Variants in PIGK observed in about 807,000 individuals in gnomAD.
The protein encoded by PIGK is GPI-anchor transamidase.
In PIGK, 42 loss-of-function variants were observed where a neutral mutation model predicts 50.6. That is an observed-to-expected ratio of 0.83 (90% CI 0.65 to 1.07). PIGK has a LOEUF of 1.07. PIGK is among the 50% of genes least tolerant of loss of function. The pLI, the probability that PIGK is intolerant of heterozygous loss-of-function variation, is 0.00. For missense variants in PIGK, 448 were observed against 488.7 expected (o/e 0.92, Z 0.78); for synonymous variants, 151 against 156.0 (o/e 0.97, Z 0.24).
intron 3 of PIGK, 23 bp from the exon 4 acceptor site, chr1:77,169,418 A>C: frequency 6.4e-7 from 1 of 1,556,218 alleles, no homozygotes; most frequent in East Asian, 2.3e-5. Context: ...AATCCAGTAA[A>C]TATATAATTT....
At chr1:77,140,586 TTAG>T (rs1160979135) in intron 9 of PIGK, among the ~76,000 whole-genome samples, 1 of 152,170 alleles carries the variant, frequency 6.6e-6, no homozygotes, top group Admixed American at 6.5e-5. Flanking sequence ...TTTTTCATAT[TTAG>T]TGTTAACTCA....
intron 9 of PIGK, among the ~76,000 whole-genome samples, chr1:77,138,112 G>C (rs1654564129): frequency 6.6e-6 from 1 of 152,144 alleles, no homozygotes; most frequent in African/African-American, 2.4e-5. Context: ...CTGTGAATAA[G>C]ATAAACTTCA....
At chr1:77,130,955 T>G (rs1654360430) in intron 9 of PIGK, among the ~76,000 whole-genome samples, 1 of 152,146 alleles carries the variant, frequency 6.6e-6, no homozygotes, top group Admixed American at 6.5e-5. Flanking sequence ...TAGTGTTGGG[T>G]ATTTATTAAA....
chr1:77,092,266 T>C lies in PIGK; in HGVS notation c.*108A>G. 1.7e-6 allele frequency: 1 copy of C among 578,110 alleles called. No homozygotes were observed. Among genetic ancestry groups the C allele is most frequent in the Non-Finnish European group, 3.0e-6 (1 of 327,896 alleles). The allele number at this position is 578,110 out of a possible 1,614,324, so 35.8% of individuals were successfully genotyped here. A position where few individuals can be genotyped will look rare whatever the true frequency, so the allele number is the denominator to read the frequency against. ...AGTTGATTCAAATTTAGTTTCCTTA[T>C]ACTTATTTCCAATTCATACAAGAGA... On this transcript the variant is annotated 3_prime_UTR_variant, in exon 11 of 11. Coordinates refer to ENST00000370812, the MANE Select transcript of PIGK (RefSeq NM_005482.3).
At position 77,161,712 on chromosome 1, in the gene PIGK, C is replaced by A; in HGVS notation, c.585-1G>T. On this transcript the variant is annotated splice_acceptor_variant, in intron 6 of 10. Coordinates refer to ENST00000370812, the MANE Select transcript of PIGK (RefSeq NM_005482.3). LOFTEE classifies it high-confidence loss of function. ...AATAATAAACAGTAGCTCATTGTAG[C>A]TGAAAGAAAAATGATAACATCTTTG... The A allele has an allele frequency of 7.9e-7, 1 of 1,258,374 alleles. No homozygotes were observed. Among genetic ancestry groups the A allele is most frequent in the South Asian group, 1.2e-5 (1 of 83,124 alleles). The allele number at this position is 1,258,374 out of a possible 1,614,324, so 78.0% of individuals were successfully genotyped here. A position where few individuals can be genotyped will look rare whatever the true frequency, so the allele number is the denominator to read the frequency against.
chr1:77,133,749 T>C (rs1285159448), intron 9 of PIGK, among the ~76,000 whole-genome samples: 3 of 152,196 alleles, frequency 2.0e-5, no homozygotes, highest in African/African-American at 7.2e-5. Flanking sequence ...CCTATTCTAA[T>C]GGTGAGGCCC....
At chr1:77,197,006 G>T (rs548837194) in intron 3 of PIGK, among the ~76,000 whole-genome samples, 83 of 152,014 alleles carry the variant, frequency 5.5e-4, no homozygotes, top group African/African-American at 1.8e-3. Context: ...GCCTTTTTAT[G>T]ATCTTTCTAA....
At chr1:77,098,451 C>T (rs558025353) in intron 10 of PIGK, among the ~76,000 whole-genome samples, 100 of 151,968 alleles carry the variant, frequency 6.6e-4, no homozygotes, top group African/African-American at 2.3e-3. Context: ...CCTGCCTCAA[C>T]ACCTCCCTCA....
At chr1:77,145,174 A>T (rs1654740465) in intron 9 of PIGK, among the ~76,000 whole-genome samples, 3 of 151,986 alleles carry the variant, frequency 2.0e-5, no homozygotes, top group Non-Finnish European at 4.4e-5. Context: ...TTACTATTGA[A>T]TATGTAAATT....
At chr1:77,209,260 A>C (rs1036643091) in intron 2 of PIGK, among the ~76,000 whole-genome samples, 1 of 152,136 alleles carries the variant, frequency 6.6e-6, no homozygotes, top group African/African-American at 2.4e-5. Context: ...CTATTATCCA[A>C]ATATTTTCCA....
intron 5 of PIGK, among the ~76,000 whole-genome samples, chr1:77,165,726 A>G (rs558038685): frequency 6.6e-6 from 1 of 152,182 alleles, no homozygotes; most frequent in African/African-American, 2.4e-5. Flanking sequence ...GAAACTAAAA[A>G]TTAACATGGG....
intron 10 of PIGK, among the ~76,000 whole-genome samples, chr1:77,116,206 C>CAA (rs1032120415): frequency 2.0e-5 from 3 of 151,502 alleles, no homozygotes; most frequent in Admixed American, 1.3e-4. Context: ...TTTTTTGAGA[C>CAA]AGAGTCTCGC....
intron 1 of PIGK, among the ~76,000 whole-genome samples, chr1:77,216,835 T>C (rs1426463070): frequency 2.0e-5 from 3 of 152,188 alleles, no homozygotes; most frequent in African/African-American, 7.2e-5. Flanking sequence ...ATGTCTCTAA[T>C]GTGCCTTCCA....
intron 3 of PIGK, among the ~76,000 whole-genome samples, chr1:77,184,621 C>T (rs1324857410): frequency 6.6e-6 from 1 of 152,134 alleles, no homozygotes; most frequent in Non-Finnish European, 1.5e-5. Context: ...AAAGTAGGGG[C>T]TCATGGAGGA....
chr1:77,166,820 TC>T lies in PIGK; in HGVS notation c.385del (p.Glu129ArgfsTer7). Reference sequence around the variant, plus strand: ...CCCAGTTAATACCCGTAAAAAATTCTCCACAGTTACCTAAGGGGGAAAAAAC... The same window carrying T: ...CCCAGTTAATACCCGTAAAAAATTCTCACAGTTACCTAAGGGGGAAAAAAC... ...VDYRSYEVTV[E>X]NFLRVLTGRI... On this transcript the variant is annotated frameshift_variant, in exon 5 of 11. Coordinates refer to ENST00000370812, the MANE Select transcript of PIGK (RefSeq NM_005482.3). LOFTEE classifies it high-confidence loss of function. 2 of 1,542,098 alleles carry T rather than the reference TC, an allele frequency of 1.3e-6. No homozygotes were observed. Among genetic ancestry groups the T allele is most frequent in the Non-Finnish European group, 1.8e-6 (2 of 1,122,414 alleles).
intron 9 of PIGK, among the ~76,000 whole-genome samples, chr1:77,143,307 T>C (rs1255051840): frequency 1.3e-5 from 2 of 152,126 alleles, no homozygotes; most frequent in Admixed American, 6.6e-5. Context: ...AAATATGCCA[T>C]AAGTATCTGA....
chr1:77,148,474 G>C (rs553453233), intron 9 of PIGK, among the ~76,000 whole-genome samples: 1 of 151,936 alleles, frequency 6.6e-6, no homozygotes. Context: ...AACAATCTTC[G>C]GCAATGACAA....
chr1:77,129,358 G>A (rs1654309737), intron 9 of PIGK: 3 of 1,575,264 alleles, frequency 1.9e-6, no homozygotes, highest in African/African-American at 1.4e-5. Context: ...ACACAAGGTC[G>A]GTGGCCCAAA....
intron 9 of PIGK, among the ~76,000 whole-genome samples, chr1:77,126,291 T>C (rs1318776427): frequency 6.6e-6 from 1 of 152,194 alleles, no homozygotes; most frequent in East Asian, 1.9e-4. Flanking sequence ...TGTGACTTTG[T>C]AAAGGTGCTG....
Sources: allele counts gnomAD v4.1 joint callset (sites outside exome capture counted in the v4.1 genomes callset), GRCh38; gene constraint gnomAD v4.1.1; transcripts MANE v1.5; gene names NCBI Gene and HGNC (gene_info 2026-07-23, HGNC 2026-07-21).